The following FHIT variants were observed in gnomAD, a reference collection of about 807,000 sequenced individuals.
FHIT encodes the protein fragile histidine triad diadenosine triphosphatase.
FHIT carries 19 observed loss-of-function variants against 17.9 expected under a neutral mutation model. That is an observed-to-expected ratio of 1.06 (90% confidence interval 0.74 to 1.56). The LOEUF (loss-of-function observed/expected upper bound fraction) is 1.56, where lower values mean the gene tolerates loss of function less well. Among genes scored for constraint, FHIT ranks in the 40% most tolerant of loss-of-function variants. FHIT has a pLI of 0.00. For missense variants in FHIT, 248 were observed against 189.2 expected (o/e 1.31, Z -1.82); for synonymous variants, 81 against 69.7 (o/e 1.16, Z -0.81).
chr3:60,213,176 A>G (rs1251423017), intron 5 of FHIT, among the ~76,000 whole-genome samples: 3 of 152,188 alleles, frequency 2.0e-5, no homozygotes, highest in Non-Finnish European at 2.9e-5. Flanking sequence ...AGGTATTCCA[A>G]TGATAGAGAG....
At chr3:60,018,936 C>T (rs534787584) in intron 5 of FHIT, among the ~76,000 whole-genome samples, 10 of 152,264 alleles carry the variant, frequency 6.6e-5, no homozygotes, top group East Asian at 1.9e-4. Flanking sequence ...GCCAAGGTCA[C>T]GCCATTGCAC....
At chr3:60,500,009 CTATT>C (rs2034459571) in intron 5 of FHIT, among the ~76,000 whole-genome samples, 1 of 151,686 alleles carries the variant, frequency 6.6e-6, no homozygotes, top group Admixed American at 6.6e-5. Flanking sequence ...CGTTATCTGA[CTATT>C]CATTATTGTA....
chr3:60,328,199 G>T (rs1015625130), intron 5 of FHIT, among the ~76,000 whole-genome samples: 2 of 152,146 alleles, frequency 1.3e-5, no homozygotes, highest in Non-Finnish European at 2.9e-5. Context: ...ACTGAACACA[G>T]AGTAAGGCAG....
chr3:60,625,381 G>C (rs1553680563), intron 4 of FHIT, among the ~76,000 whole-genome samples: 1 of 152,104 alleles, frequency 6.6e-6, no homozygotes, highest in East Asian at 1.9e-4. Flanking sequence ...TTCCAAAGTG[G>C]CTATACCATG....
intron 4 of FHIT, among the ~76,000 whole-genome samples, chr3:60,581,369 C>T (rs10510850): frequency 0.12 from 18,247 of 152,072 alleles, 1,728 homozygotes; most frequent in East Asian, 0.39. Context: ...TGCTCTTGAC[C>T]TCTATCATAT....
intron 8 of FHIT, among the ~76,000 whole-genome samples, chr3:59,857,614 G>A (rs1368706588): frequency 1.3e-5 from 2 of 151,050 alleles, no homozygotes; most frequent in African/African-American, 4.9e-5. Flanking sequence ...AAAGATTCAA[G>A]AGTCAGTTTG....
At chr3:59,993,521 C>T (rs539194389) in intron 7 of FHIT, among the ~76,000 whole-genome samples, 3 of 152,130 alleles carry the variant, frequency 2.0e-5, no homozygotes, top group African/African-American at 7.2e-5. Flanking sequence ...GGCAAACAGC[C>T]TCTCTACCTT....
At chr3:60,945,469 T>G (rs879959028) in intron 3 of FHIT, among the ~76,000 whole-genome samples, 1 of 152,178 alleles carries the variant, frequency 6.6e-6, no homozygotes, top group African/African-American at 2.4e-5. Flanking sequence ...CTTGGCTCAC[T>G]GCAACCTCTG....
At position 60,742,174 on chromosome 3, in the gene FHIT, C is replaced by T. The variant is rs368027783; in HGVS notation, c.-18+79745G>A. Among the ~76,000 whole-genome samples, 6 of 152,080 alleles carry T rather than the reference C, an allele frequency of 3.9e-5. 1 individual carries two copies. Among genetic ancestry groups the T allele is most frequent in the Admixed American group, 6.6e-5 (1 of 15,264 alleles). ...AAAGGACCACATGAGGGAATGAGTGCAAAATTCTTAAATGATGCCTCAGTA... is the reference window on the plus strand; with the variant it reads ...AAAGGACCACATGAGGGAATGAGTGTAAAATTCTTAAATGATGCCTCAGTA... On this transcript the variant is annotated intron_variant, in intron 4 of 9. Coordinates refer to ENST00000492590, the MANE Select transcript of FHIT (RefSeq NM_002012.4).
intron 5 of FHIT, among the ~76,000 whole-genome samples, chr3:60,214,243 C>T (rs1703592305): frequency 6.6e-6 from 1 of 152,140 alleles, no homozygotes; most frequent in South Asian, 2.1e-4. Context: ...TTAGTCTAAT[C>T]ACCTCATTAT....
At chr3:61,105,160 C>CA (rs1374345601) in intron 2 of FHIT, among the ~76,000 whole-genome samples, 1 of 152,078 alleles carries the variant, frequency 6.6e-6, no homozygotes, top group African/African-American at 2.4e-5. Flanking sequence ...TTTGAGTTTT[C>CA]AGGATTCTTG....
chr3:60,145,222 G>T (rs771687156), intron 5 of FHIT, among the ~76,000 whole-genome samples: 8 of 152,108 alleles, frequency 5.3e-5, no homozygotes, highest in Non-Finnish European at 8.8e-5. Context: ...ATTGGAAATT[G>T]CATTGTGAAT....
At chr3:60,056,232 G>A (rs1223047246) in intron 5 of FHIT, among the ~76,000 whole-genome samples, 3 of 152,186 alleles carry the variant, frequency 2.0e-5, no homozygotes, top group Admixed American at 6.5e-5. Context: ...GAGACACACA[G>A]AGGGAATGGA....
chr3:60,354,748 T>G (rs1229465080), intron 5 of FHIT, among the ~76,000 whole-genome samples: 5 of 152,190 alleles, frequency 3.3e-5, no homozygotes, highest in Non-Finnish European at 5.9e-5. Context: ...TAATATCTGA[T>G]GGCTGATTCT....
chr3:59,944,604 A>C (rs1014129141), intron 7 of FHIT, among the ~76,000 whole-genome samples: 50 of 152,106 alleles, frequency 3.3e-4, no homozygotes, highest in African/African-American at 1.1e-3. Flanking sequence ...GGGGTTTCGT[A>C]TAAATATTTT....
intron 5 of FHIT, among the ~76,000 whole-genome samples, chr3:60,103,089 T>G (rs1008386226): frequency 6.6e-6 from 1 of 152,198 alleles, no homozygotes; most frequent in Non-Finnish European, 1.5e-5. Flanking sequence ...ACATCACAGC[T>G]TACTGCTTGA....
intron 5 of FHIT, among the ~76,000 whole-genome samples, chr3:60,482,356 T>C (rs1348310295): frequency 6.6e-6 from 1 of 152,146 alleles, no homozygotes; most frequent in Non-Finnish European, 1.5e-5. Context: ...CAGAACTCCC[T>C]ACCCCAACGC....
intron 5 of FHIT, among the ~76,000 whole-genome samples, chr3:60,379,678 T>C (rs1270608055): frequency 6.6e-6 from 1 of 152,190 alleles, no homozygotes; most frequent in Non-Finnish European, 1.5e-5. Flanking sequence ...TCAGACAACA[T>C]CTTAATAGAT....
chr3:60,042,278 A>T (rs1701472898), intron 5 of FHIT, among the ~76,000 whole-genome samples: 1 of 152,206 alleles, frequency 6.6e-6, no homozygotes, highest in African/African-American at 2.4e-5. Flanking sequence ...ATGTAACCTG[A>T]AGTATCTTAC....
Sources: allele counts gnomAD v4.1 joint callset (sites outside exome capture counted in the v4.1 genomes callset), GRCh38; gene constraint gnomAD v4.1.1; transcripts MANE v1.5; gene names NCBI Gene and HGNC (gene_info 2026-07-23, HGNC 2026-07-21).